Variants in NBEA observed in about 807,000 individuals in gnomAD.
NBEA encodes the protein lysosomal-trafficking regulator 2.
Under a neutral mutation model 343.4 loss-of-function variants are expected in NBEA, and 44 were observed. That is an observed-to-expected ratio of 0.13 (90% CI 0.10 to 0.16). NBEA has a LOEUF of 0.16. Among genes scored for constraint, NBEA ranks in the 10% least tolerant of loss-of-function variants. NBEA has a pLI of 1.00. For synonymous variants in NBEA, 1,175 were observed against 1,238.7 expected, an observed-to-expected ratio of 0.95 and a Z score of 1.08; for missense variants, 2,555 against 3,631.3, an observed-to-expected ratio of 0.70 and a Z score of 7.62.
chr13:35,583,110 A>G (rs2081131603), intron 45 of NBEA, among the ~76,000 whole-genome samples: 1 of 152,172 alleles, frequency 6.6e-6, no homozygotes, highest in Non-Finnish European at 1.5e-5. Flanking sequence ...TCAGACAAAA[A>G]CTGAAGCTAA....
chr13:35,246,802 T>C (rs1381319631), intron 34 of NBEA, among the ~76,000 whole-genome samples: 1 of 152,112 alleles, frequency 6.6e-6, no homozygotes, highest in Non-Finnish European at 1.5e-5. Context: ...TGTGATAGTA[T>C]AGGGAGGATC....
At chr13:35,122,502 T>C (rs1016883741) in intron 16 of NBEA, among the ~76,000 whole-genome samples, 8 of 138,486 alleles carry the variant, frequency 5.8e-5, no homozygotes, top group Non-Finnish European at 9.1e-5. Context: ...TTCTCACTCA[T>C]AGGTGGGAAT....
intron 49 of NBEA, among the ~76,000 whole-genome samples, chr13:35,640,765 T>A (rs369899604): frequency 6.6e-5 from 10 of 152,340 alleles, no homozygotes; most frequent in East Asian, 3.9e-4. Context: ...GTGTCATATA[T>A]GTGTTTGTAA....
rs189722261 is a variant in NBEA at position 35,444,190 on chromosome 13, C to T, written c.6305-7902C>T. On this transcript the variant is annotated intron_variant, in intron 39 of 58. Transcript: ENST00000379939. ...TTGAAATGTTCAAAATTGTAAACTT[C>T]CCAGTAATAGATTGATTCATACATA... 2.6e-3 allele frequency among the ~76,000 whole-genome samples: 396 copies of T among 151,910 alleles called. 1 individual carries two copies. Among genetic ancestry groups the T allele is most frequent in the African/African-American group, 9.2e-3 (380 of 41,492 alleles).
At chr13:35,369,908 C>T (rs535330427) in intron 38 of NBEA, among the ~76,000 whole-genome samples, 1 of 151,926 alleles carries the variant, frequency 6.6e-6, no homozygotes, top group Non-Finnish European at 1.5e-5. Flanking sequence ...TGAAAATAGT[C>T]ATCCTTGTCT....
chr13:35,238,890 A>G (rs2075357623), intron 34 of NBEA, among the ~76,000 whole-genome samples: 1 of 152,148 alleles, frequency 6.6e-6, no homozygotes, highest in Admixed American at 6.6e-5. Context: ...TACCTTCACC[A>G]AAGAGGATAT....
At chr13:35,634,286 T>G (rs566672834) in intron 49 of NBEA, among the ~76,000 whole-genome samples, 3 of 152,190 alleles carry the variant, frequency 2.0e-5, no homozygotes, top group Non-Finnish European at 2.9e-5. Context: ...CAGCTTGTAG[T>G]GAGCCAAGAT....
rs538625487 is a variant in NBEA, at chr13:35,333,296, A to G, written c.5904-15812A>G. Among the ~76,000 whole-genome samples the G allele has an allele frequency of 1.0e-3, 152 of 152,314 alleles. 1 individual carries two copies. Among genetic ancestry groups the G allele is most frequent in the Middle Eastern group, 6.8e-3 (2 of 294 alleles). ...AATGAAGAAGAATATTTGGAAAAAT[A>G]AAACTTGTAGAATTTTTAAAATACA... On this transcript the variant is annotated intron_variant, in intron 36 of 58. Coordinates refer to ENST00000379939, the MANE Select transcript of NBEA (RefSeq NM_001385012.1).
intron 49 of NBEA, among the ~76,000 whole-genome samples, chr13:35,635,219 CT>C (rs1445279763): frequency 6.6e-6 from 1 of 152,058 alleles, no homozygotes. Flanking sequence ...ATTCCTCAGC[CT>C]TTCCTCCCCC....
chr13:35,514,835 TA>T (rs1434753287), intron 41 of NBEA, among the ~76,000 whole-genome samples: 2 of 152,192 alleles, frequency 1.3e-5, no homozygotes, highest in African/African-American at 4.8e-5. Context: ...TATTAAACTC[TA>T]AAAGGGCTAC....
intron 1 of NBEA, among the ~76,000 whole-genome samples, chr13:35,015,127 G>GAAAAAAAACAAAAAAAAAAA (rs2061607865): frequency 5.5e-5 from 1 of 18,318 alleles, no homozygotes; most frequent in Non-Finnish European, 8.8e-5. Context: ...AACGAGATCT[G>GAAAAAAAACAAAAAAAAAAA]AAAAAAAAAA....
intron 31 of NBEA, among the ~76,000 whole-genome samples, chr13:35,200,754 T>C (rs1350517897): frequency 1.3e-5 from 2 of 151,930 alleles, no homozygotes; most frequent in East Asian, 3.9e-4. Context: ...TTGTAAATAA[T>C]ATAGGGCCAA....
chr13:35,417,751 C>T (rs913531372), intron 38 of NBEA, among the ~76,000 whole-genome samples: 1 of 152,022 alleles, frequency 6.6e-6, no homozygotes, highest in Admixed American at 6.6e-5. Context: ...TCTATTAGGT[C>T]CTCTTGGTGC....
chr13:35,304,575 A>T (rs1410419155), intron 35 of NBEA, among the ~76,000 whole-genome samples: 2 of 152,134 alleles, frequency 1.3e-5, no homozygotes, highest in African/African-American at 2.4e-5. Context: ...GCAGTGATAC[A>T]TTTTTATTCA....
chr13:35,537,915 CTTATG>C (rs2078636771), intron 41 of NBEA, among the ~76,000 whole-genome samples: 1 of 152,200 alleles, frequency 6.6e-6, no homozygotes, highest in Non-Finnish European at 1.5e-5. Context: ...CTTCTGCTGC[CTTATG>C]ATTTCTGTTG....
intron 8 of NBEA, among the ~76,000 whole-genome samples, chr13:35,063,154 A>T (rs2063524705): frequency 6.6e-6 from 1 of 151,996 alleles, no homozygotes; most frequent in African/African-American, 2.4e-5. Flanking sequence ...CAGATAAGGT[A>T]CACTAAATAC....
At chr13:35,575,364 A>T (rs1418111814) in intron 45 of NBEA, among the ~76,000 whole-genome samples, 1 of 152,190 alleles carries the variant, frequency 6.6e-6, no homozygotes, top group Non-Finnish European at 1.5e-5. Context: ...TAGAGAAACA[A>T]ATTTTCAAGT....
At position 35,671,103 on chromosome 13, in the gene NBEA, C is replaced by A; in HGVS notation, c.*112C>A. 2.9e-6 allele frequency: 2 copies of A among 685,432 alleles called. No individual in the cohort carries two copies. Among genetic ancestry groups the A allele is most frequent in the Admixed American group, 2.4e-5 (1 of 42,046 alleles). 42.5% of individuals were successfully genotyped at this position (685,432 alleles called of 1,614,324 possible). On this transcript the variant is annotated 3_prime_UTR_variant, in exon 59 of 59. Coordinates refer to ENST00000379939, the MANE Select transcript of NBEA (RefSeq NM_001385012.1). ...CTACATCGACCTCCGTTTGTACATT[C>A]CATCACACCCAGCAATAGCTGTACA...
intron 36 of NBEA, among the ~76,000 whole-genome samples, chr13:35,341,220 C>T (rs1176975141): frequency 6.6e-6 from 1 of 151,984 alleles, no homozygotes; most frequent in African/African-American, 2.4e-5. Flanking sequence ...AAGAACAAAT[C>T]TAGTCTCCAA....
Sources: allele counts gnomAD v4.1 joint callset (sites outside exome capture counted in the v4.1 genomes callset), GRCh38; gene constraint gnomAD v4.1.1; transcripts MANE v1.5; gene names NCBI Gene and HGNC (gene_info 2026-07-23, HGNC 2026-07-21).